Variants in DOCK5 observed in about 807,000 individuals in gnomAD.
DOCK5 encodes the protein dedicator of cytokinesis 5, also known as dedicator of cytokinesis protein 5.
A neutral mutation model predicts 251.8 loss-of-function variants in DOCK5; 142 were observed. The ratio of observed to expected loss-of-function variants is 0.56; its 90% CI spans 0.49 to 0.65. DOCK5 has a LOEUF of 0.65. Ranked by LOEUF, DOCK5 falls within the 30% of genes least tolerant of loss-of-function variation. DOCK5 has a pLI of 0.00. For missense variants in DOCK5, 2,111 were observed against 2,312.3 expected, an observed-to-expected ratio of 0.91 and a Z score of 1.79; for synonymous variants, 842 against 835.5, an observed-to-expected ratio of 1.01 and a Z score of -0.13.
intron 2 of DOCK5, among the ~76,000 whole-genome samples, chr8:25,245,960 A>G (rs747466456): frequency 1.6e-4 from 24 of 152,244 alleles, no homozygotes; most frequent in Non-Finnish European, 2.1e-4. Context: ...CTCTTCCACC[A>G]TGATTGTAGT....
chr8:25,332,997 A>T (rs1196496906), intron 20 of DOCK5, among the ~76,000 whole-genome samples: 1 of 152,222 alleles, frequency 6.6e-6, no homozygotes. Context: ...GATCTGGAGC[A>T]TTGTTACATG....
chr8:25,310,052 C>A (rs1019660505), intron 12 of DOCK5, among the ~76,000 whole-genome samples: 3 of 151,976 alleles, frequency 2.0e-5, no homozygotes, highest in Admixed American at 2.0e-4. Context: ...GCCTCTTTTG[C>A]CATATATTAA....
chr8:25,293,167 A>G (rs946996255), intron 6 of DOCK5, among the ~76,000 whole-genome samples: 3 of 152,118 alleles, frequency 2.0e-5, no homozygotes, highest in Admixed American at 2.0e-4. Flanking sequence ...GTTATTGGTG[A>G]TTCTTTTGGA....
intron 47 of DOCK5, among the ~76,000 whole-genome samples, chr8:25,401,402 T>C (rs1406560735): frequency 6.6e-6 from 1 of 152,128 alleles, no homozygotes; most frequent in Non-Finnish European, 1.5e-5. Context: ...GTGATATTGA[T>C]GCTGCTGGTC....
At chr8:25,377,154 C>A in intron 37 of DOCK5, 151 bp from the exon 38 acceptor site, 1 of 974,962 alleles carries the variant, frequency 1.0e-6, no homozygotes, top group Non-Finnish European at 1.4e-6. Context: ...TTGGAGCTGG[C>A]ATGTGTATAT....
chr8:25,307,190 G>T (rs375936781), intron 11 of DOCK5, among the ~76,000 whole-genome samples: 4 of 151,306 alleles, frequency 2.6e-5, no homozygotes, highest in African/African-American at 9.7e-5. Context: ...CGTGATCTCC[G>T]CTCACTGCAA....
At chr8:25,402,360 G>T (rs930433367) in intron 47 of DOCK5, among the ~76,000 whole-genome samples, 2 of 151,962 alleles carry the variant, frequency 1.3e-5, no homozygotes, top group Non-Finnish European at 2.9e-5. Flanking sequence ...GCAGTGGCAC[G>T]ATCTCAGCTC....
intron 1 of DOCK5, among the ~76,000 whole-genome samples, chr8:25,190,986 G>A (rs544449234): frequency 3.3e-5 from 5 of 151,876 alleles, no homozygotes; most frequent in African/African-American, 9.6e-5. Context: ...GGGTTTCACC[G>A]TGTTAGCCAG....
At chr8:25,296,702 G>A (rs1318391983) in intron 7 of DOCK5, 54 bp downstream of exon 7, 7 of 1,592,618 alleles carry the variant, frequency 4.4e-6, no homozygotes, top group Non-Finnish European at 6.0e-6. Flanking sequence ...TTTTGCCTTG[G>A]TTTTTAATGA....
intron 2 of DOCK5, among the ~76,000 whole-genome samples, chr8:25,248,806 T>A (rs988549357): frequency 6.6e-6 from 1 of 151,944 alleles, no homozygotes; most frequent in African/African-American, 2.4e-5. Context: ...TATTGAATGA[T>A]GAAGGTAAAA....
intron 10 of DOCK5, 38 bp from the exon 11 acceptor site, chr8:25,304,217 G>A (rs117736439): frequency 1.0e-3 from 1,560 of 1,524,200 alleles, no homozygotes; most frequent in Non-Finnish European, 1.3e-3. Flanking sequence ...GAGGCATGAA[G>A]CAATTAGTTT....
chr8:25,197,175 C>T (rs986464319), intron 1 of DOCK5, among the ~76,000 whole-genome samples: 7 of 152,298 alleles, frequency 4.6e-5, no homozygotes, highest in Middle Eastern at 3.4e-3. Context: ...TTTATAACTA[C>T]ACCAGCATAC....
At chr8:25,389,348 G>A in intron 41 of DOCK5, 116 bp downstream of exon 41, 1 of 1,329,038 alleles carries the variant, frequency 7.5e-7, no homozygotes, top group Non-Finnish European at 1.0e-6. Context: ...ATCTTCTCAA[G>A]CATTCTGACA....
intron 14 of DOCK5, among the ~76,000 whole-genome samples, chr8:25,318,553 CCTT>C (rs1305854682): frequency 5.9e-5 from 8 of 136,208 alleles, no homozygotes; most frequent in Non-Finnish European, 6.2e-5. Context: ...CCTCCACTTC[CCTT>C]CTTCTATTTT....
At chr8:25,198,930 T>C (rs995110448) in intron 1 of DOCK5, among the ~76,000 whole-genome samples, 1 of 152,124 alleles carries the variant, frequency 6.6e-6, no homozygotes. Context: ...GGTGGAGGTT[T>C]TGTTATAAGT....
rs189514620 is a variant in DOCK5 at position 25,411,162 on chromosome 8, C to A, written c.5509-32C>A. 207 of 1,510,996 alleles carry A rather than the reference C, an allele frequency of 1.4e-4. 1 individual carries two copies. The East Asian group carries it at 4.9e-3, about 36-fold the overall frequency. 93.6% of individuals were successfully genotyped at this position (1,510,996 alleles called of 1,614,324 possible). ...GCAGAATTGGGAAGAAAGCTAAGAC[C>A]TGCTTCTAATTTTGTGTTTCTGCTT... On this transcript the variant is annotated intron_variant, in intron 51 of 51. Coordinates refer to ENST00000276440, the MANE Select transcript of DOCK5 (RefSeq NM_024940.8).
At chr8:25,253,840 C>G (rs969609248) in intron 2 of DOCK5, among the ~76,000 whole-genome samples, 3 of 152,174 alleles carry the variant, frequency 2.0e-5, no homozygotes, top group Non-Finnish European at 2.9e-5. Context: ...TTTATAGATT[C>G]AAAGCAATCC....
intron 6 of DOCK5, among the ~76,000 whole-genome samples, 172 bp downstream of exon 6, chr8:25,292,344 TC>T (rs773812281): frequency 2.8e-4 from 42 of 152,072 alleles, no homozygotes; most frequent in Admixed American, 1.2e-3. Flanking sequence ...ATGTCACAGT[TC>T]CCTCCATGGC....
chr8:25,231,363 A>G (rs569660005), intron 1 of DOCK5, among the ~76,000 whole-genome samples: 12 of 152,302 alleles, frequency 7.9e-5, no homozygotes, highest in Admixed American at 5.9e-4. Context: ...TTTCTTGGAC[A>G]TATTTCCTGG....
Sources: allele counts gnomAD v4.1 joint callset (sites outside exome capture counted in the v4.1 genomes callset), GRCh38; gene constraint gnomAD v4.1.1; transcripts MANE v1.5; gene names NCBI Gene and HGNC (gene_info 2026-07-23, HGNC 2026-07-21).